The following CHD2 variants were observed in gnomAD, a reference collection of about 807,000 sequenced individuals.
The protein encoded by CHD2 is chromodomain helicase DNA binding protein 2, also known as ATP-dependent chromatin remodeler CHD2.
A neutral mutation model predicts 243.9 loss-of-function variants in CHD2; 28 were observed. The ratio of observed to expected loss-of-function variants is 0.11; its 90% CI spans 0.09 to 0.16. CHD2 has a LOEUF of 0.16. Among genes scored for constraint, CHD2 ranks in the 10% least tolerant of loss-of-function variants. CHD2 has a pLI of 1.00. For missense variants in CHD2, 1,386 were observed against 2,209.8 expected, an observed-to-expected ratio of 0.63 and a Z score of 7.47; for synonymous variants, 775 against 779.0, an observed-to-expected ratio of 0.99 and a Z score of 0.09.
intron 20 of CHD2, 38 bp from the exon 21 acceptor site, chr15:92,978,196 A>G: frequency 1.2e-6 from 2 of 1,613,020 alleles, no homozygotes; most frequent in Non-Finnish European, 1.7e-6. Context: ...GTTTCTGAGA[A>G]GGCCACTGCA....
intron 2 of CHD2, among the ~76,000 whole-genome samples, chr15:92,908,965 A>G (rs1401592726): frequency 2.0e-5 from 3 of 152,084 alleles, no homozygotes; most frequent in Non-Finnish European, 4.4e-5. Flanking sequence ...CTAAAAATAC[A>G]AAGATTAGCT....
intron 3 of CHD2, among the ~76,000 whole-genome samples, chr15:92,925,020 T>TG (rs2053032332): frequency 6.6e-6 from 1 of 152,152 alleles, no homozygotes; most frequent in Non-Finnish European, 1.5e-5. Context: ...ATTCTGGTCT[T>TG]GAACTTCTGA....
At position 93,024,760 on chromosome 15, in the gene CHD2, T is replaced by A; in HGVS notation, c.*55T>A. 3.4e-6 allele frequency: 5 copies of A among 1,487,224 alleles called. No individual in the cohort carries two copies. In the South Asian group the frequency reaches 5.2e-5, roughly 15 times the overall value. The allele number at this position is 1,487,224 out of a possible 1,614,324, so 92.1% of individuals were successfully genotyped here. A position where few individuals can be genotyped will look rare whatever the true frequency, so the allele number is the denominator to read the frequency against. ...TCACCAAACACGTGGATATTTTTGGTCTGATCCTACAGTAGCCGGTTATCT... is the reference window on the plus strand; with the variant it reads ...TCACCAAACACGTGGATATTTTTGGACTGATCCTACAGTAGCCGGTTATCT... On this transcript the variant is annotated 3_prime_UTR_variant, in exon 39 of 39. Transcript: ENST00000394196.
intron 38 of CHD2, chr15:93,020,597 G>A (rs1039581467): frequency 1.2e-5 from 6 of 502,960 alleles, no homozygotes; most frequent in South Asian, 2.7e-5. Flanking sequence ...CCCGAGATGG[G>A]TACCAGCCCA....
At chr15:93,008,306 C>T (rs1001952466) in intron 34 of CHD2, among the ~76,000 whole-genome samples, 1 of 152,180 alleles carries the variant, frequency 6.6e-6, no homozygotes. Flanking sequence ...TGTGCAGTCC[C>T]GCTCAGAGGT....
intron 1 of CHD2, 83 bp downstream of exon 1, chr15:92,900,907 G>C: frequency 2.5e-6 from 1 of 406,728 alleles, no homozygotes. Context: ...AGAAATTCTT[G>C]GATGACGCAA....
intron 2 of CHD2, among the ~76,000 whole-genome samples, chr15:92,909,528 T>C (rs2052688732): frequency 6.6e-6 from 1 of 152,186 alleles, no homozygotes; most frequent in Non-Finnish European, 1.5e-5. Flanking sequence ...ATTACAGGTG[T>C]GAACCATCAT....
chr15:92,953,618 T>C, intron 14 of CHD2, 45 bp downstream of exon 14: 1 of 1,567,400 alleles, frequency 6.4e-7, no homozygotes, highest in Non-Finnish European at 8.8e-7. Context: ...GTTATAAATG[T>C]AATTTAGAAA....
chr15:92,967,274 T>G, intron 16 of CHD2, 51 bp from the exon 17 acceptor site: 1 of 1,336,898 alleles, frequency 7.5e-7, no homozygotes, highest in South Asian at 1.5e-5. Flanking sequence ...TTTTTTCCTA[T>G]TCTTCTTTTC....
rs866489336 is a variant in CHD2, at chr15:92,997,822, A to G, written c.3885+419A>G. 6.6e-6 allele frequency among the ~76,000 whole-genome samples: 1 copy of G among 152,212 alleles called. No individual in the cohort carries two copies. Among genetic ancestry groups the G allele is most frequent in the Non-Finnish European group, 1.5e-5 (1 of 68,042 alleles). The stretch of plus-strand genomic sequence containing the variant: ...GGTATTCTTTGTAATGGAATTAAAC[A>G]TTGGCTGTTCTTCTCCCACAAAATC... On this transcript the variant is annotated intron_variant, in intron 30 of 38. Coordinates refer to ENST00000394196, the MANE Select transcript of CHD2 (RefSeq NM_001271.4). The surrounding 1 kb of genome is among the most constrained non-coding windows in gnomAD (Gnocchi z 4.1).
intron 10 of CHD2, chr15:92,945,476 C>T (rs1234044304): frequency 1.3e-5 from 2 of 154,188 alleles, no homozygotes; most frequent in Non-Finnish European, 2.8e-5. Flanking sequence ...ACTGCAACCT[C>T]TGCCTCCCGG....
intron 2 of CHD2, among the ~76,000 whole-genome samples, chr15:92,922,510 G>C (rs537272908): frequency 6.6e-6 from 1 of 152,178 alleles, no homozygotes; most frequent in African/African-American, 2.4e-5. Context: ...ATGTGCTGTG[G>C]ATCGCATGGT....
chr15:92,902,749 C>T (rs1361769050), intron 2 of CHD2: 2 of 152,124 alleles, frequency 1.3e-5, no homozygotes, highest in African/African-American at 4.8e-5. Context: ...TGAGAACCTC[C>T]AGATATATTT....
rs751507887 is a variant in CHD2 at position 93,000,537 on chromosome 15, G to A, written c.4034G>A (p.Arg1345Gln). 8.1e-6 allele frequency: 13 copies of A among 1,611,386 alleles called. No individual in the cohort carries two copies. Among genetic ancestry groups the A allele is most frequent in the South Asian group, 1.1e-5 (1 of 90,784 alleles). The change falls in exon 32 of 39, where the codon CGG becomes CAG. Residue 1345 changes from arginine to glutamine, a missense_variant. Arg to Gln is a conservative substitution (Grantham distance 43). This residue lies in a region of CHD2 where 125 missense variants were observed against 128.9 expected (regional missense o/e 0.97). Coordinates refer to ENST00000394196, the MANE Select transcript of CHD2 (RefSeq NM_001271.4). ...EEAKLKKRKP[R>Q]VKKENKVPRL... ...GCCAAATTAAAGAAGCGGAAGCCTC[G>A]GGTAAAGAAGGAAAACAAAGTGCCC... is the stretch of plus-strand genomic sequence containing the variant.
chr15:92,967,261 G>T, intron 16 of CHD2, 64 bp from the exon 17 acceptor site: 1 of 1,206,794 alleles, frequency 8.3e-7, no homozygotes, highest in South Asian at 1.6e-5. Context: ...TTTTTTTACA[G>T]TTTTTTTTCC....
intron 3 of CHD2, among the ~76,000 whole-genome samples, chr15:92,926,024 T>G (rs2053054148): frequency 6.6e-6 from 1 of 152,180 alleles, no homozygotes; most frequent in Non-Finnish European, 1.5e-5. Flanking sequence ...CAGGCTGGAG[T>G]GCAGTGGTGC....
Position 93,024,479 on chromosome 15 carries a change from A to G in CHD2, c.5261A>G (p.His1754Arg). 6.2e-7 allele frequency: 1 copy of G among 1,614,192 alleles called. No individual in the cohort carries two copies. Among genetic ancestry groups the G allele is most frequent in the Non-Finnish European group, 8.5e-7 (1 of 1,180,030 alleles). The change falls in exon 39 of 39, where the codon CAT (histidine) becomes CGT (arginine). Residue 1754 changes from histidine (H) to arginine (R), a missense_variant. Around this residue, in one of 19 missense-constraint regions of CHD2, gnomAD observed 347 missense variants for 341.6 expected, o/e 1.02. Transcript: ENST00000394196. ...MSDHRPAMGY[H>R]GQGPSDHYRS... ...GATCACCGCCCCGCTATGGGCTACCATGGCCAGGGACCCTCAGACCATTAC... is the reference window on the plus strand; with the variant it reads ...GATCACCGCCCCGCTATGGGCTACCGTGGCCAGGGACCCTCAGACCATTAC...
rs1040738198 is a variant in CHD2, at chr15:92,997,021, A to G, written c.3660A>G (p.Lys1220=). ...TATCCGGAGTTCAGGTTAATGTGAAATCCATTATCCAACATGAAGAGGAGT... is the reference window on the plus strand; with the variant it reads ...TATCCGGAGTTCAGGTTAATGTGAAGTCCATTATCCAACATGAAGAGGAGT... The part of the protein sequence containing the change: ...IKISGVQVNV[K]SIIQHEEEFE... The change falls in exon 29 of 39, where the codon AAA becomes AAG. Residue 1220 remains lysine (K), a synonymous_variant. Transcript: ENST00000394196. This position sits in a 1 kb window ranked among gnomAD's most constrained non-coding sequence, Gnocchi z 4.1. The G allele has an allele frequency of 1.1e-5, 18 of 1,613,754 alleles. No homozygotes were observed. Among genetic ancestry groups the G allele is most frequent in the Non-Finnish European group, 1.4e-5 (17 of 1,179,870 alleles).
At position 92,958,440 on chromosome 15, in the gene CHD2, G is replaced by A. The variant is rs542059268; in HGVS notation, c.2000+1791G>A. On this transcript the variant is annotated intron_variant, in intron 16 of 38. Transcript: ENST00000394196. ...AATGTTTTGGCATTTTAACTCAGGCGTCGTGTTCCGTCATTGGAACTCTAA... is the reference window on the plus strand; with the variant it reads ...AATGTTTTGGCATTTTAACTCAGGCATCGTGTTCCGTCATTGGAACTCTAA... Among the ~76,000 whole-genome samples the A allele has an allele frequency of 1.5e-4, 23 of 152,216 alleles. No homozygotes were observed. The East Asian group carries it at 2.3e-3, about 15-fold the overall frequency.
Sources: gnomAD v4.1 joint callset for allele counts (sites outside exome capture counted in the v4.1 genomes callset) on GRCh38, gnomAD v4.1.1 for gene constraint, gnomAD v4.1.1 regional missense constraint, Gnocchi (gnomAD v3.1) non-coding constraint, MANE v1.5 for transcripts, NCBI Gene and HGNC (gene_info 2026-07-23, HGNC 2026-07-21) for gene names.